HTR7: variants seen among roughly 807,000 people sequenced by gnomAD.
HTR7 encodes the protein 5-HT-7.
In HTR7, 16 loss-of-function variants were observed where a neutral mutation model predicts 34.0. The ratio of observed to expected loss-of-function variants is 0.47; its 90% CI spans 0.32 to 0.71. The LOEUF (loss-of-function observed/expected upper bound fraction) is 0.71, where lower values mean the gene tolerates loss of function less well. HTR7 is among the 30% of genes least tolerant of loss of function. The probability of loss-of-function intolerance (pLI) is 0.04; values close to 1 mark genes in which losing one functional copy is unlikely to be tolerated. For synonymous variants in HTR7, 265 were observed against 260.2 expected, an observed-to-expected ratio of 1.02 and a Z score of -0.18; for missense variants, 504 against 625.5, an observed-to-expected ratio of 0.81 and a Z score of 2.07.
chr10:90,762,033 TGACA>T (rs1465875132), intron 1 of HTR7, among the ~76,000 whole-genome samples: 3 of 152,222 alleles, frequency 2.0e-5, no homozygotes, highest in Non-Finnish European at 4.4e-5. Context: ...ACTCATCCCT[TGACA>T]GACACTTAGA....
intron 1 of HTR7, among the ~76,000 whole-genome samples, chr10:90,751,870 G>C (rs1166622409): frequency 6.6e-6 from 1 of 152,076 alleles, no homozygotes; most frequent in Non-Finnish European, 1.5e-5. Context: ...TCCTGGCTAA[G>C]TAAATAATAC....
At chr10:90,844,053 G>A (rs147466906) in intron 1 of HTR7, among the ~76,000 whole-genome samples, 164 of 152,270 alleles carry the variant, frequency 1.1e-3, no homozygotes, top group African/African-American at 3.6e-3. Flanking sequence ...AGACCTTACA[G>A]TCCACAAGCT....
chr10:90,820,443 T>C (rs1366535067), intron 1 of HTR7, among the ~76,000 whole-genome samples: 1 of 152,240 alleles, frequency 6.6e-6, no homozygotes, highest in African/African-American at 2.4e-5. Context: ...TGCAAAGATC[T>C]GGACACTCCC....
chr10:90,851,901 C>T (rs1846506334), intron 1 of HTR7, among the ~76,000 whole-genome samples: 1 of 152,136 alleles, frequency 6.6e-6, no homozygotes, highest in Non-Finnish European at 1.5e-5. Context: ...TTGCCTGCTG[C>T]CATGAAAGAC....
At chr10:90,761,680 T>C (rs1844939751) in intron 1 of HTR7, among the ~76,000 whole-genome samples, 2 of 151,660 alleles carry the variant, frequency 1.3e-5, no homozygotes, top group South Asian at 4.2e-4. Context: ...GTTTACTCTC[T>C]TAGCAAATTT....
At chr10:90,762,896 T>C (rs1040404919) in intron 1 of HTR7, among the ~76,000 whole-genome samples, 3 of 152,226 alleles carry the variant, frequency 2.0e-5, no homozygotes, top group Non-Finnish European at 2.9e-5. Context: ...GACTATTCTT[T>C]CCCCATTGTG....
At chr10:90,839,286 C>T (rs1846293953) in intron 1 of HTR7, among the ~76,000 whole-genome samples, 2 of 152,128 alleles carry the variant, frequency 1.3e-5, no homozygotes, top group Admixed American at 1.3e-4. Context: ...TCCAAACATA[C>T]AGAATATACA....
chr10:90,831,959 C>T (rs1037913925), intron 1 of HTR7, among the ~76,000 whole-genome samples: 2 of 152,096 alleles, frequency 1.3e-5, no homozygotes, highest in African/African-American at 4.8e-5. Flanking sequence ...CCGATTGGCG[C>T]ATTCACAAAC....
chr10:90,764,021 G>A (rs1442259381), intron 1 of HTR7, among the ~76,000 whole-genome samples: 1 of 152,160 alleles, frequency 6.6e-6, no homozygotes, highest in Admixed American at 6.5e-5. Context: ...CTAGGTCCTT[G>A]AGGAATCGCC....
chr10:90,810,367 T>C (rs140125142), intron 1 of HTR7, among the ~76,000 whole-genome samples: 25 of 152,070 alleles, frequency 1.6e-4, no homozygotes, highest in Non-Finnish European at 2.9e-4. Flanking sequence ...ATGCAACCCT[T>C]ACCATCTCAT....
intron 1 of HTR7, among the ~76,000 whole-genome samples, chr10:90,812,619 C>T (rs1187103535): frequency 6.6e-6 from 1 of 152,108 alleles, no homozygotes; most frequent in Non-Finnish European, 1.5e-5. Context: ...AATATCACCC[C>T]TTACCACAAA....
chr10:90,759,608 T>C (rs1294409986), intron 1 of HTR7, among the ~76,000 whole-genome samples: 5 of 138,646 alleles, frequency 3.6e-5, no homozygotes, highest in Non-Finnish European at 7.5e-5. Flanking sequence ...TGAGCCGAGA[T>C]TGCGCCACTG....
chr10:90,844,087 T>G (rs879882565), intron 1 of HTR7, among the ~76,000 whole-genome samples: 1 of 152,170 alleles, frequency 6.6e-6, no homozygotes, highest in Non-Finnish European at 1.5e-5. Context: ...GTCTATACCT[T>G]TACAGAAAAA....
intron 1 of HTR7, among the ~76,000 whole-genome samples, chr10:90,774,811 G>A (rs1178817523): frequency 6.6e-6 from 1 of 152,092 alleles, no homozygotes; most frequent in African/African-American, 2.4e-5. Context: ...CATAAGCATC[G>A]CTTTTTAAGA....
At chr10:90,841,195 A>T (rs1270367651) in intron 1 of HTR7, among the ~76,000 whole-genome samples, 1 of 152,216 alleles carries the variant, frequency 6.6e-6, no homozygotes, top group Non-Finnish European at 1.5e-5. Context: ...CTTCAATAGG[A>T]CACTTAGTAT....
chr10:90,743,449 C>G (rs1186834589), intron 3 of HTR7, 144 bp downstream of exon 3: 1 of 682,056 alleles, frequency 1.5e-6, no homozygotes, highest in African/African-American at 1.8e-5. Flanking sequence ...CAGACACATT[C>G]CTAGCCCAGG....
At chr10:90,786,842 G>A (rs1437705041) in intron 1 of HTR7, among the ~76,000 whole-genome samples, 3 of 152,202 alleles carry the variant, frequency 2.0e-5, no homozygotes, top group Non-Finnish European at 4.4e-5. Context: ...CAGGAGACCA[G>A]CCCCATGTAA....
At chr10:90,759,661 C>CAAAAA (rs60718814) in intron 1 of HTR7, among the ~76,000 whole-genome samples, 3 of 69,378 alleles carry the variant, frequency 4.3e-5, no homozygotes, top group Admixed American at 1.7e-4. Context: ...GACTCTGTCT[C>CAAAAA]AAAAAAAAAA....
chr10:90,774,883 C>G (rs1449977066), intron 1 of HTR7, among the ~76,000 whole-genome samples: 1 of 152,162 alleles, frequency 6.6e-6, no homozygotes, highest in Non-Finnish European at 1.5e-5. Flanking sequence ...GTAAGAAATA[C>G]ATCACATACC....
Sources: allele counts gnomAD v4.1 joint callset (sites outside exome capture counted in the v4.1 genomes callset), GRCh38; gene constraint gnomAD v4.1.1; transcripts MANE v1.5; gene names NCBI Gene and HGNC (gene_info 2026-07-23, HGNC 2026-07-21).